The following ENOX1 variants were observed in gnomAD, a reference collection of about 807,000 sequenced individuals.
ENOX1 encodes the protein candidate growth-related and time keeping constitutive hydroquinone (NADH) oxidase.
Under a neutral mutation model 82.5 loss-of-function variants are expected in ENOX1, and 42 were observed. The observed-to-expected ratio is 0.51, with a 90% CI of 0.40 to 0.66. ENOX1 has a LOEUF of 0.66. ENOX1 is among the 30% of genes least tolerant of loss of function. The probability of loss-of-function intolerance (pLI) is 0.00; values close to 1 mark genes in which losing one functional copy is unlikely to be tolerated. For synonymous variants in ENOX1, 271 were observed against 282.2 expected (o/e 0.96, Z 0.40); for missense variants, 608 against 811.6 (o/e 0.75, Z 3.05).
Position 43,411,902 on chromosome 13 carries a change from AG to A in ENOX1, c.208+13del. On this transcript the variant is annotated intron_variant, in intron 5 of 16. Coordinates refer to ENST00000690772, the MANE Select transcript of ENOX1 (RefSeq NM_001347969.2). ...CACTGCTGCAAGCATCTCTGAAACCAGGAGAAAGCTTACCAGACACGAGCTG... is the reference window on the plus strand; with the variant it reads ...CACTGCTGCAAGCATCTCTGAAACCAGAGAAAGCTTACCAGACACGAGCTG... 1 of 1,613,970 alleles carries A rather than the reference AG, an allele frequency of 6.2e-7. No homozygotes were observed. Among genetic ancestry groups the A allele is most frequent in the African/African-American group, 1.3e-5 (1 of 75,070 alleles).
At chr13:43,727,834 G>C (rs1407599262) in intron 1 of ENOX1, among the ~76,000 whole-genome samples, 1 of 152,064 alleles carries the variant, frequency 6.6e-6, no homozygotes, top group African/African-American at 2.4e-5. Flanking sequence ...TTTGCTTATT[G>C]ATACTTTCAT....
intron 2 of ENOX1, among the ~76,000 whole-genome samples, chr13:43,586,138 G>C (rs968551369): frequency 1.3e-5 from 2 of 152,108 alleles, no homozygotes; most frequent in African/African-American, 4.8e-5. Context: ...GCTCCTTACT[G>C]TTCTCCCTAC....
At chr13:43,536,936 T>C (rs1390551467) in intron 2 of ENOX1, among the ~76,000 whole-genome samples, 1 of 152,138 alleles carries the variant, frequency 6.6e-6, no homozygotes. Flanking sequence ...CCAAGGAGCT[T>C]CCTCAGATGG....
At chr13:43,663,005 G>A (rs2084808731) in intron 2 of ENOX1, among the ~76,000 whole-genome samples, 1 of 152,150 alleles carries the variant, frequency 6.6e-6, no homozygotes. Flanking sequence ...TTTTGAAAAT[G>A]GAATCTAAGA....
chr13:43,440,632 C>T (rs2056308749), intron 3 of ENOX1, among the ~76,000 whole-genome samples: 1 of 151,998 alleles, frequency 6.6e-6, no homozygotes, highest in South Asian at 2.1e-4. Context: ...CTGTACTTTA[C>T]CAATCAGAAA....
intron 2 of ENOX1, among the ~76,000 whole-genome samples, chr13:43,520,661 C>T (rs553247692): frequency 1.3e-5 from 2 of 152,158 alleles, no homozygotes; most frequent in South Asian, 2.1e-4. Context: ...TGCCGGGGGG[C>T]GGCCACTGGT....
intron 14 of ENOX1, among the ~76,000 whole-genome samples, chr13:43,237,290 G>A (rs538331009): frequency 6.6e-6 from 1 of 152,276 alleles, no homozygotes; most frequent in African/African-American, 2.4e-5. Context: ...AAAATGAAGA[G>A]TTGTACAACA....
chr13:43,314,006 C>A lies in ENOX1; in HGVS notation c.1261+8378G>T, dbSNP rs188980292. On this transcript the variant is annotated intron_variant, in intron 11 of 16. Transcript: ENST00000690772. ...GGGGCTCATTAAAGACCCTGCAATG[C>A]CCTGCCGGAAATGCTACAATTAATA... is the stretch of plus-strand genomic sequence containing the variant. Among the ~76,000 whole-genome samples, 589 of 152,292 alleles carry A rather than the reference C, an allele frequency of 3.9e-3. 7 individuals carry two copies. The highest frequency in any genetic ancestry group is 0.013 in the African/African-American group (545 of 41,552).
chr13:43,601,085 T>C (rs1368995162), intron 2 of ENOX1, among the ~76,000 whole-genome samples: 2 of 152,094 alleles, frequency 1.3e-5, no homozygotes, highest in African/African-American at 4.8e-5. Context: ...GCCCAGACTA[T>C]GAGGACTACA....
chr13:43,596,046 A>T (rs1424854725), intron 2 of ENOX1, among the ~76,000 whole-genome samples: 5 of 152,250 alleles, frequency 3.3e-5, no homozygotes, highest in Non-Finnish European at 7.3e-5. Flanking sequence ...CAAACTTCAG[A>T]AACACAGATG....
At chr13:43,615,174 G>A (rs1362476971) in intron 2 of ENOX1, among the ~76,000 whole-genome samples, 2 of 152,122 alleles carry the variant, frequency 1.3e-5, no homozygotes, top group Admixed American at 1.3e-4. Context: ...ATAGGGCCTT[G>A]AGACATCAGT....
chr13:43,582,508 C>T (rs1203945602), intron 2 of ENOX1, among the ~76,000 whole-genome samples: 1 of 152,000 alleles, frequency 6.6e-6, no homozygotes, highest in East Asian at 1.9e-4. Context: ...ATGAAGGAGG[C>T]TAAAACAATT....
At chr13:43,575,188 C>A (rs531015592) in intron 2 of ENOX1, among the ~76,000 whole-genome samples, 2 of 152,326 alleles carry the variant, frequency 1.3e-5, no homozygotes, top group South Asian at 4.1e-4. Flanking sequence ...GTGAAGTCCT[C>A]TTAAAAGAAC....
intron 12 of ENOX1, among the ~76,000 whole-genome samples, chr13:43,270,303 G>A (rs1212126687): frequency 3.9e-5 from 6 of 152,138 alleles, no homozygotes; most frequent in Non-Finnish European, 8.8e-5. Context: ...TACATAGGCT[G>A]GAGAATACAT....
At chr13:43,742,426 A>C (rs1051003966) in intron 1 of ENOX1, among the ~76,000 whole-genome samples, 3 of 152,038 alleles carry the variant, frequency 2.0e-5, no homozygotes, top group African/African-American at 7.2e-5. Flanking sequence ...AGACAGAGAC[A>C]GAGAGAGACA....
At chr13:43,310,197 CAAAAAAAAAAAAAAAAAA>C in intron 11 of ENOX1, among the ~76,000 whole-genome samples, 1 of 82,608 alleles carries the variant, frequency 1.2e-5, no homozygotes, top group South Asian at 4.6e-4. Flanking sequence ...GATTCCATCT[CAAAAAAAAAAAAAAAAAA>C]AAAAAAAAAG....
intron 14 of ENOX1, among the ~76,000 whole-genome samples, chr13:43,257,000 T>G (rs1188911743): frequency 6.6e-6 from 1 of 152,170 alleles, no homozygotes; most frequent in Admixed American, 6.5e-5. Flanking sequence ...AATCCTGTCA[T>G]TTGCAGCAAC....
At chr13:43,556,140 A>AT (rs2079426185) in intron 2 of ENOX1, among the ~76,000 whole-genome samples, 1 of 151,996 alleles carries the variant, frequency 6.6e-6, no homozygotes, top group South Asian at 2.1e-4. Flanking sequence ...AAATAATTGT[A>AT]TTTTTTCTAA....
At chr13:43,469,979 TG>T (rs1332178274) in intron 3 of ENOX1, among the ~76,000 whole-genome samples, 1 of 151,738 alleles carries the variant, frequency 6.6e-6, no homozygotes, top group African/African-American at 2.4e-5. Context: ...CATATTTATG[TG>T]GTCATTTGAT....
Sources: allele counts gnomAD v4.1 joint callset (sites outside exome capture counted in the v4.1 genomes callset), GRCh38; gene constraint gnomAD v4.1.1; transcripts MANE v1.5; gene names NCBI Gene and HGNC (gene_info 2026-07-23, HGNC 2026-07-21).